ASZ1: variants seen among roughly 807,000 people sequenced by gnomAD.
ASZ1 encodes ankyrin repeat, SAM and basic leucine zipper domain containing 1.
Under a neutral mutation model 61.8 loss-of-function variants are expected in ASZ1, and 67 were observed. That is an observed-to-expected ratio of 1.08 (90% CI 0.89 to 1.33). ASZ1 has a LOEUF of 1.33. ASZ1 is among the 40% of genes most tolerant of loss of function. The probability of loss-of-function intolerance (pLI) is 0.00; values close to 1 mark genes in which losing one functional copy is unlikely to be tolerated. For synonymous variants in ASZ1, 193 were observed against 192.7 expected (o/e 1.00, Z -0.01); for missense variants, 577 against 554.5 (o/e 1.04, Z -0.41).
At chr7:117,370,408 T>C (rs1233816791) in intron 10 of ASZ1, among the ~76,000 whole-genome samples, 1 of 152,156 alleles carries the variant, frequency 6.6e-6, no homozygotes, top group African/African-American at 2.4e-5. Flanking sequence ...AGAGTTGTTA[T>C]GAATGGCAAT....
At chr7:117,391,219 AT>A (rs1796461406) in intron 4 of ASZ1, among the ~76,000 whole-genome samples, 1 of 151,408 alleles carries the variant, frequency 6.6e-6, no homozygotes, top group African/African-American at 2.4e-5. Context: ...GAGCCTGGAT[AT>A]TTAGTCCTTT....
chr7:117,367,513 C>A, intron 11 of ASZ1, 48 bp from the exon 12 acceptor site: 1 of 1,329,900 alleles, frequency 7.5e-7, no homozygotes, highest in Non-Finnish European at 9.8e-7. Context: ...AAATAACTTT[C>A]TACAACTTTA....
intron 11 of ASZ1, 165 bp downstream of exon 11, chr7:117,368,447 A>T (rs940907467): frequency 1.5e-6 from 2 of 1,338,590 alleles, no homozygotes; most frequent in African/African-American, 3.0e-5. Flanking sequence ...TCAGTATGTA[A>T]AGGAGTAATA....
At chr7:117,415,280 T>G (rs1434961354) in intron 4 of ASZ1, among the ~76,000 whole-genome samples, 1 of 152,216 alleles carries the variant, frequency 6.6e-6, no homozygotes, top group African/African-American at 2.4e-5. Flanking sequence ...AACTTTTGAA[T>G]TGCACACTGT....
intron 4 of ASZ1, among the ~76,000 whole-genome samples, chr7:117,410,924 TAATC>T (rs1458759824): frequency 6.6e-6 from 1 of 151,778 alleles, no homozygotes; most frequent in Non-Finnish European, 1.5e-5. Flanking sequence ...TATACACTAC[TAATC>T]AGTGTGTGTT....
At chr7:117,425,123 T>C (rs1378297029) in intron 2 of ASZ1, among the ~76,000 whole-genome samples, 1 of 152,206 alleles carries the variant, frequency 6.6e-6, no homozygotes, top group Non-Finnish European at 1.5e-5. Flanking sequence ...GATTCTAGCA[T>C]AGAAGAAAAA....
intron 2 of ASZ1, among the ~76,000 whole-genome samples, chr7:117,424,934 T>C (rs140844813): frequency 1.9e-3 from 294 of 152,332 alleles, no homozygotes; most frequent in African/African-American, 5.2e-3. Context: ...ATTTTAATTC[T>C]CCCCCTTGCC....
At chr7:117,409,314 C>T (rs1323976346) in intron 4 of ASZ1, among the ~76,000 whole-genome samples, 3 of 151,628 alleles carry the variant, frequency 2.0e-5, no homozygotes, top group African/African-American at 7.3e-5. Flanking sequence ...ACAGGTAAAA[C>T]AAGGAAAGAA....
At chr7:117,419,609 G>A (rs1257998123) in intron 4 of ASZ1, among the ~76,000 whole-genome samples, 1 of 152,168 alleles carries the variant, frequency 6.6e-6, no homozygotes, top group East Asian at 1.9e-4. Flanking sequence ...AAGCCAATGT[G>A]ATAGAAATTT....
At chr7:117,372,990 G>A (rs1328759457) in intron 10 of ASZ1, among the ~76,000 whole-genome samples, 1 of 152,038 alleles carries the variant, frequency 6.6e-6, no homozygotes, top group African/African-American at 2.4e-5. Context: ...ATTTTAGAAT[G>A]TTTATAAATA....
chr7:117,373,121 A>T (rs17139755), intron 10 of ASZ1, among the ~76,000 whole-genome samples: 2,144 of 152,312 alleles, frequency 0.014, 107 homozygotes, highest in East Asian at 0.12. Flanking sequence ...AGTGGATGTC[A>T]GTTAGCTCAG....
intron 10 of ASZ1, among the ~76,000 whole-genome samples, chr7:117,371,040 G>A (rs533882867): frequency 2.2e-4 from 33 of 152,124 alleles, no homozygotes; most frequent in Non-Finnish European, 4.1e-4. Flanking sequence ...GGCCCGGCTC[G>A]CCTTGAACTC....
intron 1 of ASZ1, 31 bp from the exon 2 acceptor site, chr7:117,426,966 G>C (rs746583006): frequency 7.1e-6 from 11 of 1,557,964 alleles, no homozygotes; most frequent in Non-Finnish European, 7.8e-6. Context: ...AAAAATTCTT[G>C]TTATATATAT....
chr7:117,370,891 G>T (rs1796038815), intron 10 of ASZ1, among the ~76,000 whole-genome samples: 1 of 150,990 alleles, frequency 6.6e-6, no homozygotes, highest in South Asian at 2.1e-4. Flanking sequence ...GTGCAGTGAT[G>T]CGAGGCTCAC....
rs1449251670 is a variant in ASZ1 at position 117,393,807 on chromosome 7, G to GTCCAAGGA, written c.441-7999_441-7998insTCCTTGGA. ...TAAATACATGTTTCCATGTCTCCTT[G>GTCCAAGGA]GACATAGAATCACCTTGTTAGATTG... On this transcript the variant is annotated intron_variant, in intron 4 of 12. Transcript: ENST00000284629. Among the ~76,000 whole-genome samples, 6 of 152,002 alleles carry GTCCAAGGA rather than the reference G, an allele frequency of 3.9e-5. No homozygotes were observed. In the East Asian group the frequency reaches 1.2e-3, roughly 29 times the overall value.
chr7:117,405,768 C>T (rs944583994), intron 4 of ASZ1, among the ~76,000 whole-genome samples: 1 of 151,744 alleles, frequency 6.6e-6, no homozygotes, highest in East Asian at 1.9e-4. Context: ...GAGGAAACCC[C>T]AAGCCAGTGA....
At chr7:117,387,225 C>A (rs887646259) in intron 4 of ASZ1, among the ~76,000 whole-genome samples, 24 of 151,416 alleles carry the variant, frequency 1.6e-4, no homozygotes, top group Non-Finnish European at 3.4e-4. Flanking sequence ...GGAGAATCAC[C>A]TGAGCCTGGG....
chr7:117,415,434 TC>T lies in ASZ1; in HGVS notation c.440+4728del, dbSNP rs549333265. On this transcript the variant is annotated intron_variant, in intron 4 of 12. Transcript: ENST00000284629. ...TATCAGATTGACAGATCTTTTCAGA[TC>T]ATTTCAGGTCACCAAGAAAGATGAG... Among the ~76,000 whole-genome samples the T allele has an allele frequency of 1.1e-4, 16 of 152,330 alleles. No individual in the cohort carries two copies. The East Asian group carries it at 3.1e-3, about 29-fold the overall frequency.
Position 117,427,477 on chromosome 7 carries a change from C to T in ASZ1, c.-17G>A, listed in dbSNP as rs940037451. ...CGCCGCCATGCCAGCCAAGGAAGCTCCCTGTCGGCACCGCGCGCCCTTCAG... is the reference window on the plus strand; with the variant it reads ...CGCCGCCATGCCAGCCAAGGAAGCTTCCTGTCGGCACCGCGCGCCCTTCAG... On this transcript the variant is annotated 5_prime_UTR_variant, in exon 1 of 13. Transcript: ENST00000284629. The T allele has an allele frequency of 1.2e-6, 2 of 1,613,036 alleles. No homozygotes were observed. Among genetic ancestry groups the T allele is most frequent in the African/African-American group, 1.3e-5 (1 of 74,930 alleles).
Sources: gnomAD v4.1 joint callset for allele counts (sites outside exome capture counted in the v4.1 genomes callset) on GRCh38, gnomAD v4.1.1 for gene constraint, MANE v1.5 for transcripts, NCBI Gene and HGNC (gene_info 2026-07-23, HGNC 2026-07-21) for gene names.